SYT1: variants seen among roughly 807,000 people sequenced by gnomAD.
SYT1 encodes the protein synaptotagmin 1, also known as synaptotagmin-1.
In SYT1, 8 loss-of-function variants were observed where a neutral mutation model predicts 44.8. That is an observed-to-expected ratio of 0.18 (90% CI 0.10 to 0.32). SYT1 has a LOEUF of 0.32. Ranked by LOEUF, SYT1 falls within the 10% of genes least tolerant of loss-of-function variation. SYT1 has a pLI of 1.00. For missense variants in SYT1, 286 were observed against 509.3 expected, an observed-to-expected ratio of 0.56 and a Z score of 4.22; for synonymous variants, 154 against 188.8, an observed-to-expected ratio of 0.82 and a Z score of 1.51.
At chr12:79,350,425 T>C (rs1592990998) in intron 8 of SYT1, among the ~76,000 whole-genome samples, 1 of 151,878 alleles carries the variant, frequency 6.6e-6, no homozygotes, top group South Asian at 2.1e-4. Context: ...GCTAATTTTT[T>C]CTATTTTTAG....
intron 2 of SYT1, among the ~76,000 whole-genome samples, chr12:78,994,804 G>A (rs1009150293): frequency 1.3e-5 from 2 of 152,080 alleles, no homozygotes; most frequent in Admixed American, 1.3e-4. Context: ...CAAAGTGCTG[G>A]GATTACAGGC....
At position 79,299,386 on chromosome 12, in the gene SYT1, A is replaced by G; in HGVS notation, c.645A>G (p.Val215=). ...PVFNEQFTFK[V]PYSELGGKTL... is the part of the protein sequence containing the mutation. ...TATCCTCATGTCTTTTAATTTAGGT[A>G]CCATACTCGGAATTGGGTGGCAAAA... The change falls in exon 8 of 11, where the codon GTA becomes GTG. Residue 215 remains valine, a splice_region_variant and synonymous_variant. Transcript: ENST00000261205. The G allele has an allele frequency of 2.5e-6, 4 of 1,612,974 alleles. No homozygotes were observed. The highest frequency in any genetic ancestry group is 3.4e-6 in the Non-Finnish European group (4 of 1,179,378).
chr12:79,185,640 C>G (rs1298078279), intron 3 of SYT1, among the ~76,000 whole-genome samples: 1 of 151,970 alleles, frequency 6.6e-6, no homozygotes, highest in Non-Finnish European at 1.5e-5. Flanking sequence ...TACAGCAAAT[C>G]TTCATTATAT....
chr12:79,081,546 T>A (rs541619101), intron 3 of SYT1, among the ~76,000 whole-genome samples: 125 of 152,116 alleles, frequency 8.2e-4, no homozygotes, highest in South Asian at 1.7e-3. Context: ...ACCCAGCTAA[T>A]TTTTTTATTT....
chr12:78,891,157 G>A (rs1875031947), intron 1 of SYT1, among the ~76,000 whole-genome samples: 1 of 151,818 alleles, frequency 6.6e-6, no homozygotes, highest in South Asian at 2.1e-4. Flanking sequence ...CTCTTGATAT[G>A]TAGTTATTAA....
intron 9 of SYT1, among the ~76,000 whole-genome samples, chr12:79,368,195 A>G (rs756315380): frequency 6.6e-5 from 10 of 151,876 alleles, no homozygotes; most frequent in East Asian, 1.9e-4. Flanking sequence ...ATGACTTCCA[A>G]TTTCATCCAT....
At chr12:79,213,971 T>C (rs1172979840) in intron 3 of SYT1, among the ~76,000 whole-genome samples, 2 of 152,172 alleles carry the variant, frequency 1.3e-5, no homozygotes, top group Non-Finnish European at 2.9e-5. Flanking sequence ...CAGGACTGAA[T>C]AATCAGCTAA....
intron 3 of SYT1, among the ~76,000 whole-genome samples, chr12:79,155,456 C>A (rs1870537209): frequency 6.6e-6 from 1 of 152,088 alleles, no homozygotes; most frequent in South Asian, 2.1e-4. Flanking sequence ...CATTAACAAT[C>A]CAAACATGCC....
At chr12:79,112,293 GATA>G in intron 3 of SYT1, among the ~76,000 whole-genome samples, 1 of 152,194 alleles carries the variant, frequency 6.6e-6, no homozygotes, top group South Asian at 2.1e-4. Context: ...GTCATTCTGA[GATA>G]ATAATGAGAC....
At chr12:79,208,173 A>G (rs914521819) in intron 3 of SYT1, among the ~76,000 whole-genome samples, 1 of 152,098 alleles carries the variant, frequency 6.6e-6, no homozygotes, top group African/African-American at 2.4e-5. Context: ...TCATGTTCCC[A>G]ATTATCTAAC....
rs373882754 is a variant in SYT1, at chr12:79,087,182, T to C, written c.-18+39820T>C. Among the ~76,000 whole-genome samples, 11 of 152,268 alleles carry C rather than the reference T, an allele frequency of 7.2e-5. 1 individual carries two copies. In the East Asian group the frequency reaches 7.7e-4, roughly 11 times the overall value. Reference sequence around the variant, plus strand: ...GGCATTATGTTTGCAGAGCAGTTAATCCATCTCCAAAATTTGTAATAGTCA... The same window carrying C: ...GGCATTATGTTTGCAGAGCAGTTAACCCATCTCCAAAATTTGTAATAGTCA... On this transcript the variant is annotated intron_variant, in intron 3 of 10. Coordinates refer to ENST00000261205, the MANE Select transcript of SYT1 (RefSeq NM_005639.3).
At chr12:79,200,514 G>T (rs1017697008) in intron 3 of SYT1, among the ~76,000 whole-genome samples, 1 of 152,094 alleles carries the variant, frequency 6.6e-6, no homozygotes, top group African/African-American at 2.4e-5. Context: ...ACTCAAAAGG[G>T]TATGAAAGAG....
chr12:79,234,547 C>A (rs1876062344), intron 4 of SYT1, among the ~76,000 whole-genome samples: 1 of 152,148 alleles, frequency 6.6e-6, no homozygotes, highest in Non-Finnish European at 1.5e-5. Context: ...TCACTTAGCA[C>A]AATGTTTTTG....
At chr12:79,209,544 AGCATCCAC>A (rs1874317980) in intron 3 of SYT1, among the ~76,000 whole-genome samples, 1 of 152,216 alleles carries the variant, frequency 6.6e-6, no homozygotes, top group African/African-American at 2.4e-5. Flanking sequence ...AATCGAGGCC[AGCATCCAC>A]CACTCATTGT....
chr12:79,248,861 T>C (rs541825663), intron 4 of SYT1, among the ~76,000 whole-genome samples: 29 of 152,306 alleles, frequency 1.9e-4, no homozygotes, highest in African/African-American at 6.7e-4. Flanking sequence ...TAACTGATTG[T>C]ATAGAAAATC....
Position 79,449,264 on chromosome 12 carries a change from A to C in SYT1, c.*140A>C. ...TCAGTGGTACTTGGAATCCTGTTTTAATTTGCACAAATTTAAATGTAGAGA... is the reference window on the plus strand; with the variant it reads ...TCAGTGGTACTTGGAATCCTGTTTTCATTTGCACAAATTTAAATGTAGAGA... On this transcript the variant is annotated 3_prime_UTR_variant, in exon 11 of 11. Transcript: ENST00000261205. 1 of 879,986 alleles carries C rather than the reference A, an allele frequency of 1.1e-6. No individual in the cohort carries two copies. Among genetic ancestry groups the C allele is most frequent in the Non-Finnish European group, 1.7e-6 (1 of 584,366 alleles). 54.5% of individuals were successfully genotyped at this position (879,986 alleles called of 1,614,324 possible). A position where few individuals can be genotyped will look rare whatever the true frequency, so the allele number is the denominator to read the frequency against.
chr12:79,093,430 A>T (rs1877912569), intron 3 of SYT1, among the ~76,000 whole-genome samples: 1 of 151,800 alleles, frequency 6.6e-6, no homozygotes, highest in Admixed American at 6.6e-5. Flanking sequence ...CAAAGACCTA[A>T]TAAAGACAGT....
intron 3 of SYT1, among the ~76,000 whole-genome samples, chr12:79,176,437 T>C (rs947628708): frequency 1.3e-5 from 2 of 152,034 alleles, no homozygotes; most frequent in Non-Finnish European, 2.9e-5. Context: ...ATGACCACAA[T>C]AGAAACACTT....
At chr12:79,379,934 G>T (rs918666340) in intron 9 of SYT1, among the ~76,000 whole-genome samples, 3 of 152,140 alleles carry the variant, frequency 2.0e-5, no homozygotes, top group Non-Finnish European at 2.9e-5. Context: ...TTTGCTGAAG[G>T]TTACACCCGA....
Sources: allele counts gnomAD v4.1 joint callset (sites outside exome capture counted in the v4.1 genomes callset), GRCh38; gene constraint gnomAD v4.1.1; transcripts MANE v1.5; gene names NCBI Gene and HGNC (gene_info 2026-07-23, HGNC 2026-07-21).